The following ANLN variants were observed in gnomAD, a reference collection of about 807,000 sequenced individuals.
The protein encoded by ANLN is anillin, actin binding protein.
Under a neutral mutation model 135.1 loss-of-function variants are expected in ANLN, and 59 were observed. That is an observed-to-expected ratio of 0.44 (90% CI 0.35 to 0.54). The LOEUF (loss-of-function observed/expected upper bound fraction) is 0.54, where lower values mean the gene tolerates loss of function less well. ANLN is among the 20% of genes least tolerant of loss of function. The probability of loss-of-function intolerance (pLI) is 0.00; values close to 1 mark genes in which losing one functional copy is unlikely to be tolerated. For missense variants in ANLN, 1,182 were observed against 1,340.0 expected (o/e 0.88, Z 1.84); for synonymous variants, 406 against 456.4 (o/e 0.89, Z 1.41).
chr7:36,428,673 C>T (rs1788186767), intron 20 of ANLN, among the ~76,000 whole-genome samples: 1 of 150,770 alleles, frequency 6.6e-6, no homozygotes, highest in South Asian at 2.1e-4. Flanking sequence ...TTTCTAGGTA[C>T]AATTAGAATA....
intron 2 of ANLN, among the ~76,000 whole-genome samples, chr7:36,398,026 A>G (rs1786779286): frequency 6.6e-6 from 1 of 152,256 alleles, no homozygotes. Context: ...TATCCCTGAT[A>G]CTACTTTGGT....
Position 36,418,246 on chromosome 7 carries a change from A to C in ANLN, c.1634-998A>C, listed in dbSNP as rs568246162. Among the ~76,000 whole-genome samples, 22 of 152,230 alleles carry C rather than the reference A, an allele frequency of 1.4e-4. No homozygotes were observed. In the South Asian group the frequency reaches 4.6e-3, roughly 32 times the overall value. The stretch of plus-strand genomic sequence containing the variant: ...TCAGTGGAAGCTTCATAAAGTCAGC[A>C]TTCCCTCCCCCAGGGTATGAGGCTG... On this transcript the variant is annotated intron_variant, in intron 9 of 23. Transcript: ENST00000265748.
intron 20 of ANLN, among the ~76,000 whole-genome samples, chr7:36,432,190 A>G (rs1054533633): frequency 1.3e-5 from 2 of 152,172 alleles, no homozygotes; most frequent in African/African-American, 4.8e-5. Context: ...TGATCACGCC[A>G]CTGCACTTCA....
At chr7:36,435,304 A>G (rs1296744756) in intron 20 of ANLN, among the ~76,000 whole-genome samples, 1 of 151,460 alleles carries the variant, frequency 6.6e-6, no homozygotes, top group African/African-American at 2.4e-5. Flanking sequence ...TTTTCACCCT[A>G]GATTCGTTTT....
intron 20 of ANLN, among the ~76,000 whole-genome samples, chr7:36,429,162 T>C (rs1788211320): frequency 1.3e-5 from 2 of 152,156 alleles, no homozygotes; most frequent in African/African-American, 2.4e-5. Context: ...TTTGAAATTA[T>C]AATACATTTA....
chr7:36,398,136 A>G (rs1349917507), intron 2 of ANLN, among the ~76,000 whole-genome samples: 1 of 152,072 alleles, frequency 6.6e-6, no homozygotes, highest in East Asian at 1.9e-4. Context: ...ATTGAAACTC[A>G]TAGTTAGAAA....
intron 20 of ANLN, among the ~76,000 whole-genome samples, chr7:36,429,623 A>G (rs1405193060): frequency 6.6e-6 from 1 of 152,202 alleles, no homozygotes; most frequent in Non-Finnish European, 1.5e-5. Context: ...TTTATTTTAA[A>G]TTCTTAAAAT....
At chr7:36,402,471 T>C (rs1786994418) in intron 3 of ANLN, among the ~76,000 whole-genome samples, 2 of 152,156 alleles carry the variant, frequency 1.3e-5, no homozygotes, top group Admixed American at 1.3e-4. Context: ...ACCTCTGCCC[T>C]GTCCAGTCCC....
intron 21 of ANLN, among the ~76,000 whole-genome samples, chr7:36,441,704 T>G (rs950785896): frequency 3.3e-5 from 5 of 152,252 alleles, no homozygotes; most frequent in Non-Finnish European, 7.3e-5. Flanking sequence ...GCCGTCCTTT[T>G]CTTATTCCTC....
In ANLN at chr7:36,423,843, A is replaced by T; in HGVS notation, c.2503A>T (p.Ile835Leu). 6.2e-7 allele frequency: 1 copy of T among 1,611,798 alleles called. No homozygotes were observed. Among genetic ancestry groups the T allele is most frequent in the Non-Finnish European group, 8.5e-7 (1 of 1,179,022 alleles). The change falls in exon 15 of 24, where the codon ATA becomes TTA. Residue 835 changes from isoleucine to leucine, a missense_variant. Transcript: ENST00000265748. ...TGCAGCAAATTACTATTACTTAATT[A>T]TACTAAAAGCAGGAGCTGAAAATAT... ...PDAANYYYLIILKAGAENMVA... is the reference protein window; with the variant it reads ...PDAANYYYLILLKAGAENMVA...
Position 36,401,670 on chromosome 7 carries a change from A to G in ANLN, c.487+2277A>G, listed in dbSNP as rs372107392. Among the ~76,000 whole-genome samples the G allele has an allele frequency of 2.6e-4, 31 of 120,692 alleles. 7 individuals carry two copies. The highest frequency in any genetic ancestry group is 9.3e-4 in the African/African-American group (27 of 28,916). 79.2% of individuals were successfully genotyped at this position (120,692 alleles called of 152,430 possible). A position where few individuals can be genotyped will look rare whatever the true frequency, so the allele number is the denominator to read the frequency against. On this transcript the variant is annotated intron_variant, in intron 3 of 23. Transcript: ENST00000265748. ...TGTTTTTTGGCACATAGCATAGTCTATGGTGTCAATTAATACCTATTTATT... is the reference window on the plus strand; with the variant it reads ...TGTTTTTTGGCACATAGCATAGTCTGTGGTGTCAATTAATACCTATTTATT...
chr7:36,447,261 T>C (rs1278485220), intron 22 of ANLN, among the ~76,000 whole-genome samples: 2 of 152,128 alleles, frequency 1.3e-5, no homozygotes, highest in Non-Finnish European at 2.9e-5. Context: ...GCATACGATT[T>C]TTTTTCTCTC....
At chr7:36,394,935 A>G (rs1410227864) in intron 1 of ANLN, among the ~76,000 whole-genome samples, 2 of 152,234 alleles carry the variant, frequency 1.3e-5, no homozygotes. Flanking sequence ...AGGAGTATTC[A>G]TGACTTTATG....
rs200742993 is a variant in ANLN, at chr7:36,425,997, C to CTT, written c.2749-4_2749-3dup. 1.2e-3 allele frequency: 1,664 copies of CTT among 1,345,576 alleles called. No individual in the cohort carries two copies. The highest frequency in any genetic ancestry group is 5.5e-3 in the East Asian group (220 of 40,118). The allele number at this position is 1,345,576 out of a possible 1,614,324, so 83.4% of individuals were successfully genotyped here. A position where few individuals can be genotyped will look rare whatever the true frequency, so the allele number is the denominator to read the frequency against. On this transcript the variant is annotated splice_polypyrimidine_tract_variant and intron_variant, in intron 18 of 23. Coordinates refer to ENST00000265748, the MANE Select transcript of ANLN (RefSeq NM_018685.5). ...AATAACTTATGTTTCTTCTTCACAC[C>CTT]TTTTTTTTTTTTTTTAGAAAAGCAA...
At chr7:36,410,747 G>T (rs1209131020) in intron 6 of ANLN, 43 bp downstream of exon 6, 2 of 1,550,242 alleles carry the variant, frequency 1.3e-6, no homozygotes, top group Admixed American at 1.9e-5. Flanking sequence ...CATGGTCTCT[G>T]CATAGAACCT....
At chr7:36,415,626 C>T in intron 7 of ANLN, 132 bp from the exon 8 acceptor site, 1 of 1,000,604 alleles carries the variant, frequency 1.0e-6, no homozygotes, top group Non-Finnish European at 1.4e-6. Context: ...TATTCACATA[C>T]ACTATCTCTT....
chr7:36,439,329 A>G (rs764914921), intron 21 of ANLN, 39 bp downstream of exon 21: 6 of 1,124,266 alleles, frequency 5.3e-6, no homozygotes, highest in Non-Finnish European at 7.7e-6. Context: ...CCTTTTTTCC[A>G]TTTTGTGAAA....
Position 36,399,299 on chromosome 7 carries a change from C to T in ANLN, c.393C>T (p.Asn131=). 1 of 1,614,090 alleles carries T rather than the reference C, an allele frequency of 6.2e-7. No homozygotes were observed. The change falls in exon 3 of 24, where the codon AAC becomes AAT. Residue 131 remains asparagine (N), a synonymous_variant. Coordinates refer to ENST00000265748, the MANE Select transcript of ANLN (RefSeq NM_018685.5). The part of the protein sequence containing the change: ...ASLLGMRRGL[N]SRLEATAASS... ...TGCTGGGCATGAGGAGAGGGCTGAACTCAAGATTGGAAGCAACTGCAGCCT... is the reference window on the plus strand; with the variant it reads ...TGCTGGGCATGAGGAGAGGGCTGAATTCAAGATTGGAAGCAACTGCAGCCT...
Position 36,421,625 on chromosome 7 carries a change from ATAAGTATG to A in ANLN, c.2164-231_2164-224del, listed in dbSNP as rs779924136. On this transcript the variant is annotated intron_variant, in intron 12 of 23. Transcript: ENST00000265748. ...GGATGTAACCCCAATTTTAACTTTAATAAGTATGAATTGGAAGTTTTTTCATAAGGAAT... is the reference window on the plus strand; with the variant it reads ...GGATGTAACCCCAATTTTAACTTTAAAATTGGAAGTTTTTTCATAAGGAAT... Among the ~76,000 whole-genome samples, 78 of 152,312 alleles carry A rather than the reference ATAAGTATG, an allele frequency of 5.1e-4. 2 individuals carry two copies. The South Asian group carries it at 0.016, about 31-fold the overall frequency.
Sources: allele counts gnomAD v4.1 joint callset (sites outside exome capture counted in the v4.1 genomes callset), GRCh38; gene constraint gnomAD v4.1.1; transcripts MANE v1.5; gene names NCBI Gene and HGNC (gene_info 2026-07-23, HGNC 2026-07-21).